TNRC6C: variants seen among roughly 807,000 people sequenced by gnomAD.
The protein encoded by TNRC6C is trinucleotide repeat containing adaptor 6C.
In TNRC6C, 20 loss-of-function variants were observed where a neutral mutation model predicts 153.7. The ratio of observed to expected loss-of-function variants is 0.13; its 90% CI spans 0.09 to 0.19. TNRC6C has a LOEUF of 0.19. TNRC6C is among the 10% of genes least tolerant of loss of function. The pLI, the probability that TNRC6C is intolerant of heterozygous loss-of-function variation, is 1.00. For missense variants in TNRC6C, 1,987 were observed against 2,172.0 expected, an observed-to-expected ratio of 0.91 and a Z score of 1.69; for synonymous variants, 811 against 841.4, an observed-to-expected ratio of 0.96 and a Z score of 0.63.
intron 1 of TNRC6C, among the ~76,000 whole-genome samples, chr17:77,982,820 G>A (rs911171513): frequency 6.6e-6 from 1 of 152,158 alleles, no homozygotes; most frequent in East Asian, 1.9e-4. Context: ...GACGGAGCAA[G>A]ATTTCATGTC....
In TNRC6C at chr17:78,079,089, T is replaced by TA. The variant is rs199795094; in HGVS notation, c.3211-293dup. On this transcript the variant is annotated intron_variant, in intron 9 of 19. Coordinates refer to ENST00000301624, the Ensembl canonical transcript of TNRC6C. This position sits in a 1 kb window ranked among gnomAD's most constrained non-coding sequence, Gnocchi z 4.3. ...CTGGGTGACAGAGCAAAACTCCATC[T>TA]AAAAAAAAAAAAAGCCAGGCATAGT... 6.1e-4 allele frequency among the ~76,000 whole-genome samples: 80 copies of TA among 130,598 alleles called. No homozygotes were observed. The highest frequency in any genetic ancestry group is 3.9e-3 in the Middle Eastern group (1 of 258). 85.7% of individuals were successfully genotyped at this position (130,598 alleles called of 152,430 possible).
At position 78,086,328 on chromosome 17, in the gene TNRC6C, TAAAAAAAAAAAAAAAAAAAA is replaced by T. The variant is rs58348772; in HGVS notation, c.3478-162_3478-143del. 5.2e-4 allele frequency among the ~76,000 whole-genome samples: 28 copies of T among 53,376 alleles called. No homozygotes were observed. In the East Asian group the frequency reaches 0.01, roughly 19 times the overall value. 35.0% of individuals were successfully genotyped at this position (53,376 alleles called of 152,430 possible). The stretch of plus-strand genomic sequence containing the variant: ...CTGGATGACAGAGCGAGACTCCATC[TAAAAAAAAAAAAAAAAAAAA>T]AAAAAAAAAAAACAGTATGTGTCAG... On this transcript the variant is annotated intron_variant, in intron 11 of 19. Coordinates refer to ENST00000301624, the Ensembl canonical transcript of TNRC6C.
At position 78,051,402 on chromosome 17, in the gene TNRC6C, G is replaced by A. The variant is rs142330341; in HGVS notation, c.2340G>A (p.Pro780=). ...CACACAGGGTCGAGACGCCGCCCCC[G>A]CACCAGGCCGGTACTCAGCTGAATC... is the stretch of plus-strand genomic sequence containing the variant. Residue 780 remains proline, a synonymous_variant, in exon 3 of 20, where the codon CCG becomes CCA. Transcript: ENST00000301624. The A allele has an allele frequency of 3.3e-4, 516 of 1,546,522 alleles. 2 individuals are homozygous for A. The African/African-American group carries it at 5.5e-3, about 17-fold the overall frequency.
At chr17:78,026,375 A>C (rs560970475) in intron 1 of TNRC6C, among the ~76,000 whole-genome samples, 1 of 152,352 alleles carries the variant, frequency 6.6e-6, no homozygotes, top group Admixed American at 6.5e-5. Context: ...TGATATTTAA[A>C]GAATAGCTGG....
At chr17:78,005,295 G>A (rs991442789) in intron 1 of TNRC6C, among the ~76,000 whole-genome samples, 4 of 152,060 alleles carry the variant, frequency 2.6e-5, no homozygotes, top group Non-Finnish European at 4.4e-5. Flanking sequence ...TCTGAAGAAT[G>A]TTATATTAGC....
intron 1 of TNRC6C, among the ~76,000 whole-genome samples, chr17:78,021,384 G>A (rs9907233): frequency 0.064 from 9,724 of 152,306 alleles, 788 homozygotes; most frequent in African/African-American, 0.19. Context: ...TCGTTCACTG[G>A]TCCTGTTGTG....
intron 1 of TNRC6C, among the ~76,000 whole-genome samples, chr17:77,983,834 T>C (rs1598648629): frequency 1.3e-5 from 2 of 152,222 alleles, no homozygotes; most frequent in East Asian, 3.8e-4. Context: ...ACAGAATATT[T>C]AGTGGGACTG....
intron 1 of TNRC6C, among the ~76,000 whole-genome samples, chr17:77,973,403 G>A (rs2070956922): frequency 6.6e-6 from 1 of 152,168 alleles, no homozygotes; most frequent in African/African-American, 2.4e-5. Context: ...ACGGAAGAGT[G>A]AATGACGGAA....
exon 3 of TNRC6C, chr17:78,050,624 C>G (rs1410859484): frequency 1.3e-6 from 2 of 1,574,362 alleles, no homozygotes. Flanking sequence ...CCAGCAAACA[C>G]AGGTTGGGGA....
At chr17:78,077,084 T>A in intron 8 of TNRC6C, 101 bp from the exon 11 acceptor site, 1 of 1,335,622 alleles carries the variant, frequency 7.5e-7, no homozygotes. Context: ...ATCTGTTAAT[T>A]ATTTATCCAT....
intron 1 of TNRC6C, among the ~76,000 whole-genome samples, chr17:78,011,069 G>A (rs991656921): frequency 6.6e-6 from 1 of 152,304 alleles, no homozygotes; most frequent in African/African-American, 2.4e-5. Flanking sequence ...AAACATAAAG[G>A]CAGTTTCTAA....
At chr17:77,983,628 A>G (rs1196027351) in intron 1 of TNRC6C, among the ~76,000 whole-genome samples, 1 of 152,224 alleles carries the variant, frequency 6.6e-6, no homozygotes, top group Non-Finnish European at 1.5e-5. Flanking sequence ...TTGAGGTCAC[A>G]AGACATGTTG....
chr17:77,968,864 C>T (rs1248040365), intron 1 of TNRC6C, among the ~76,000 whole-genome samples: 1 of 152,152 alleles, frequency 6.6e-6, no homozygotes, highest in East Asian at 1.9e-4. Flanking sequence ...TTGTCTTTCC[C>T]ACAACCTTTC....
At chr17:78,003,560 G>T (rs2071446477), upstream of TNRC6C, among the ~76,000 whole-genome samples, 1 of 152,114 alleles carries the variant, frequency 6.6e-6, no homozygotes, top group Admixed American at 6.6e-5. Context: ...ACCAATAAAA[G>T]AGTAGAAAAC....
intron 11 of TNRC6C, among the ~76,000 whole-genome samples, chr17:78,084,914 G>T (rs1389150930): frequency 6.6e-6 from 1 of 152,220 alleles, no homozygotes; most frequent in Non-Finnish European, 1.5e-5. Flanking sequence ...TTACAGGCGT[G>T]AGCCACTGCG....
At chr17:78,076,239 A>G (rs375824265) in intron 8 of TNRC6C, among the ~76,000 whole-genome samples, 4,052 of 96,022 alleles carry the variant, frequency 0.042, 172 homozygotes, top group African/African-American at 0.17. Flanking sequence ...AAAAGAAAAA[A>G]AAAAAAGGAA....
intron 1 of TNRC6C, among the ~76,000 whole-genome samples, chr17:78,014,013 A>T (rs973564922): frequency 2.6e-5 from 4 of 152,160 alleles, no homozygotes; most frequent in Non-Finnish European, 5.9e-5. Flanking sequence ...TGTCTTACTA[A>T]ATGTTGGAGT....
upstream of TNRC6C, among the ~76,000 whole-genome samples, chr17:78,000,341 A>G (rs1015925928): frequency 5.3e-5 from 8 of 152,208 alleles, no homozygotes; most frequent in South Asian, 4.1e-4. Flanking sequence ...GGCTGAGACT[A>G]TTTTGTCTTA....
intron 10 of TNRC6C, among the ~76,000 whole-genome samples, chr17:78,080,636 TTTGATAATCAATGGTA>T (rs1352548068): frequency 6.6e-6 from 1 of 152,222 alleles, no homozygotes; most frequent in Non-Finnish European, 1.5e-5. Flanking sequence ...TTATAATATA[TTTGATAATCAATGGTA>T]TTGATAACAT....
Sources: gnomAD v4.1 joint callset for allele counts (sites outside exome capture counted in the v4.1 genomes callset) on GRCh38, gnomAD v4.1.1 for gene constraint, Gnocchi (gnomAD v3.1) non-coding constraint, MANE v1.5 for transcripts, NCBI Gene and HGNC (gene_info 2026-07-23, HGNC 2026-07-21) for gene names.